Variants in GALNT18 observed in about 807,000 individuals in gnomAD.
GALNT18 encodes the protein GalNAc-transferase 18.
GALNT18 carries 44 observed loss-of-function variants against 69.5 expected under a neutral mutation model. That is an observed-to-expected ratio of 0.63 (90% CI 0.50 to 0.81). The LOEUF is 0.81. Among genes scored for constraint, GALNT18 ranks in the 40% least tolerant of loss-of-function variants. The pLI is 0.00. For missense variants in GALNT18, 715 were observed against 810.0 expected, an observed-to-expected ratio of 0.88 and a Z score of 1.42; for synonymous variants, 364 against 318.2, an observed-to-expected ratio of 1.14 and a Z score of -1.53.
chr11:11,299,324 T>C (rs576778682), intron 9 of GALNT18, among the ~76,000 whole-genome samples: 1 of 152,088 alleles, frequency 6.6e-6, no homozygotes, highest in Non-Finnish European at 1.5e-5. Context: ...TTTTTTACTT[T>C]TAGTAGGGAC....
Position 11,465,286 on chromosome 11 carries a change from A to C in GALNT18, c.236-16350T>G, listed in dbSNP as rs973366334. Among the ~76,000 whole-genome samples the C allele has an allele frequency of 1.3e-5, 2 of 152,038 alleles. No homozygotes were observed. The highest frequency in any genetic ancestry group is 4.8e-5 in the African/African-American group (2 of 41,390). ...AGTGGGAGGGTCTGTATTTAGACTG[A>C]TTTCCCCTGAGACTGGGGAGTTGGG... On this transcript the variant is annotated intron_variant, in intron 1 of 10. Coordinates refer to ENST00000227756, the MANE Select transcript of GALNT18 (RefSeq NM_198516.3). The surrounding 1 kb of genome is among the most constrained non-coding windows in gnomAD (Gnocchi z 5.7).
intron 6 of GALNT18, among the ~76,000 whole-genome samples, chr11:11,370,203 G>A (rs1285908098): frequency 2.0e-5 from 3 of 152,180 alleles, no homozygotes; most frequent in Non-Finnish European, 4.4e-5. Context: ...TTCTTTCTGT[G>A]TTCCAGATAG....
chr11:11,311,004 G>T (rs10765832), intron 9 of GALNT18, among the ~76,000 whole-genome samples: 81,926 of 151,888 alleles, frequency 0.54, 22,101 homozygotes, highest in Middle Eastern at 0.63. Flanking sequence ...TTACTCTCCC[G>T]TCTCAGATTC....
chr11:11,406,479 C>T (rs747533855), intron 3 of GALNT18, among the ~76,000 whole-genome samples: 1 of 152,226 alleles, frequency 6.6e-6, no homozygotes, highest in Admixed American at 6.5e-5. Flanking sequence ...GTAAGTATCA[C>T]AAAACGCTGA....
intron 1 of GALNT18, among the ~76,000 whole-genome samples, chr11:11,472,025 C>T (rs1856283938): frequency 6.6e-6 from 1 of 152,190 alleles, no homozygotes; most frequent in African/African-American, 2.4e-5. Context: ...TTGCAGGAAA[C>T]AATTTGGGTT....
chr11:11,471,100 A>C (rs1189663449), intron 1 of GALNT18, among the ~76,000 whole-genome samples: 1 of 151,792 alleles, frequency 6.6e-6, no homozygotes, highest in Non-Finnish European at 1.5e-5. Context: ...GGTCACTCTC[A>C]TCCTAGCCTC....
intron 3 of GALNT18, among the ~76,000 whole-genome samples, chr11:11,405,777 G>A (rs1376379463): frequency 6.6e-6 from 1 of 152,238 alleles, no homozygotes; most frequent in East Asian, 1.9e-4. Context: ...CTGAGAGTGA[G>A]AAAAGTCAAG....
In GALNT18 at chr11:11,332,633, T is replaced by A. The variant is rs1850036281; in HGVS notation, c.1416+61A>T. 8.8e-6 allele frequency: 14 copies of A among 1,589,954 alleles called. No homozygotes were observed. Among genetic ancestry groups the A allele is most frequent in the Non-Finnish European group, 1.2e-5 (14 of 1,159,844 alleles). ...AGAGGCTCTTTCCCTCCTCTCCCTTTCTTCACTATGTTTCTTTCTGTCTGT... is the reference window on the plus strand; with the variant it reads ...AGAGGCTCTTTCCCTCCTCTCCCTTACTTCACTATGTTTCTTTCTGTCTGT... On this transcript the variant is annotated intron_variant, in intron 8 of 10. Transcript: ENST00000227756. The surrounding 1 kb of genome is among the most constrained non-coding windows in gnomAD (Gnocchi z 4.3).
At chr11:11,357,487 C>T (rs1324561156) in intron 6 of GALNT18, among the ~76,000 whole-genome samples, 1 of 152,194 alleles carries the variant, frequency 6.6e-6, no homozygotes, top group Admixed American at 6.5e-5. Context: ...CTCCTTAGAC[C>T]TTTGAAATCT....
At chr11:11,422,359 C>T (rs948763726) in intron 3 of GALNT18, among the ~76,000 whole-genome samples, 2 of 152,192 alleles carry the variant, frequency 1.3e-5, no homozygotes, top group African/African-American at 4.8e-5. Flanking sequence ...TCAGGTGGTA[C>T]TGGGTGGTGT....
At position 11,444,050 on chromosome 11, in the gene GALNT18, AC is replaced by A. The variant is rs1167327722; in HGVS notation, c.428+4693del. 6.6e-6 allele frequency among the ~76,000 whole-genome samples: 1 copy of A among 151,846 alleles called. No homozygotes were observed. The highest frequency in any genetic ancestry group is 1.5e-5 in the Non-Finnish European group (1 of 67,972). ...TATTCTGCCTATCCATGAAGCCAGG[AC>A]CCCCCAAAGTTCAAAGATCCCAGAT... On this transcript the variant is annotated intron_variant, in intron 2 of 10. Transcript: ENST00000227756. This position sits in a 1 kb window ranked among gnomAD's most constrained non-coding sequence, Gnocchi z 4.4.
At chr11:11,574,884 G>T (rs2134003296) in intron 1 of GALNT18, among the ~76,000 whole-genome samples, 1 of 152,336 alleles carries the variant, frequency 6.6e-6, no homozygotes, top group Non-Finnish European at 1.5e-5. Flanking sequence ...GGAGGCTAAA[G>T]AATTGTTTGC....
In GALNT18 at chr11:11,278,127, T is replaced by TG. The variant is rs1337078662; in HGVS notation, c.1678-6838dup. On this transcript the variant is annotated intron_variant, in intron 10 of 10. Transcript: ENST00000227756. ...GTTAAAGTCTCCCACTATTATTGTG[T>TG]GGGGGTCTAAGTCTCATTTTAGGTC... 2.0e-5 allele frequency among the ~76,000 whole-genome samples: 3 copies of TG among 152,082 alleles called. No individual in the cohort carries two copies. In the South Asian group the frequency reaches 6.2e-4, roughly 32 times the overall value.
At chr11:11,607,856 C>T (rs1859791925) in intron 1 of GALNT18, among the ~76,000 whole-genome samples, 2 of 152,220 alleles carry the variant, frequency 1.3e-5, no homozygotes, top group African/African-American at 4.8e-5. Flanking sequence ...ACTCTTCCAC[C>T]AGCCAAGGTT....
chr11:11,551,841 T>C (rs1590091868), intron 1 of GALNT18, among the ~76,000 whole-genome samples: 1 of 151,830 alleles, frequency 6.6e-6, no homozygotes, highest in African/African-American at 2.4e-5. Context: ...GGATAGGCGG[T>C]GGAGTTAGGA....
chr11:11,339,266 C>A lies in GALNT18; in HGVS notation c.1278+1553G>T, dbSNP rs919929415. ...CTACCCATTTGATTTGAACTACCAC[C>A]TTGAGGAGTCGCAGACAGACACTGA... On this transcript the variant is annotated intron_variant, in intron 7 of 10. Coordinates refer to ENST00000227756, the MANE Select transcript of GALNT18 (RefSeq NM_198516.3). The surrounding 1 kb of genome is among the most constrained non-coding windows in gnomAD (Gnocchi z 5.2). Among the ~76,000 whole-genome samples, 3 of 152,174 alleles carry A rather than the reference C, an allele frequency of 2.0e-5. No homozygotes were observed. The highest frequency in any genetic ancestry group is 2.0e-4 in the Admixed American group (3 of 15,282).
At chr11:11,485,554 A>G (rs1856625822) in intron 1 of GALNT18, among the ~76,000 whole-genome samples, 1 of 152,234 alleles carries the variant, frequency 6.6e-6, no homozygotes, top group South Asian at 2.1e-4. Flanking sequence ...ATTTCATAAT[A>G]TCACAATGGC....
rs996041711 is a variant in GALNT18, at chr11:11,356,389, C to T, written c.1093-15385G>A. Among the ~76,000 whole-genome samples the T allele has an allele frequency of 1.3e-5, 2 of 152,058 alleles. No individual in the cohort carries two copies. Among genetic ancestry groups the T allele is most frequent in the African/African-American group, 4.8e-5 (2 of 41,400 alleles). On this transcript the variant is annotated intron_variant, in intron 6 of 10. Transcript: ENST00000227756. This position sits in a 1 kb window ranked among gnomAD's most constrained non-coding sequence, Gnocchi z 4.4. ...GATACCGACCAGCATGCAGACTCAG[C>T]TAAAGAAGAACAAAGAACAAAAATG...
intron 6 of GALNT18, among the ~76,000 whole-genome samples, chr11:11,348,381 GAAAAAA>G (rs71988944): frequency 2.6e-5 from 2 of 77,058 alleles, no homozygotes; most frequent in African/African-American, 9.5e-5. Context: ...TTCGTCTCAG[GAAAAAA>G]AAAAAAAAAA....
Sources: allele counts gnomAD v4.1 joint callset (sites outside exome capture counted in the v4.1 genomes callset), GRCh38; gene constraint gnomAD v4.1.1; non-coding constraint Gnocchi (gnomAD v3.1); transcripts MANE v1.5; gene names NCBI Gene and HGNC (gene_info 2026-07-23, HGNC 2026-07-21).